The following PAWR variants were observed in gnomAD, a reference collection of about 807,000 sequenced individuals.
PAWR encodes PRKC apoptosis WT1 regulator protein.
Under a neutral mutation model 32.0 loss-of-function variants are expected in PAWR, and 23 were observed. The ratio of observed to expected loss-of-function variants is 0.72; its 90% CI spans 0.52 to 1.02. The LOEUF (loss-of-function observed/expected upper bound fraction) is 1.02, where lower values mean the gene tolerates loss of function less well. PAWR is among the 50% of genes least tolerant of loss of function. PAWR has a pLI of 0.00. For missense variants in PAWR, 457 were observed against 437.7 expected (o/e 1.04, Z -0.39); for synonymous variants, 226 against 187.1 (o/e 1.21, Z -1.70).
rs894031668 is a variant in PAWR, at chr12:79,586,780, G to C, written c.*5827C>G. ...TTTGATTCAGTCATAACAGATTTTTGAAAGTGACAGTAAAATTATGCATTT... is the reference window on the plus strand; with the variant it reads ...TTTGATTCAGTCATAACAGATTTTTCAAAGTGACAGTAAAATTATGCATTT... On this transcript the variant is annotated 3_prime_UTR_variant, in exon 7 of 7. Coordinates refer to ENST00000328827, the MANE Select transcript of PAWR (RefSeq NM_002583.4). The C allele has an allele frequency of 3.9e-5, 6 of 152,002 alleles. No individual in the cohort carries two copies. Among genetic ancestry groups the C allele is most frequent in the Non-Finnish European group, 7.4e-5 (5 of 67,974 alleles). The allele number at this position is 152,002 out of a possible 1,614,324, so 9.4% of individuals were successfully genotyped here. A position where few individuals can be genotyped will look rare whatever the true frequency, so the allele number is the denominator to read the frequency against.
In PAWR at chr12:79,585,132, C is replaced by T. The variant is rs1264581095; in HGVS notation, c.*7475G>A. 1 of 452,450 alleles carries T rather than the reference C, an allele frequency of 2.2e-6. No homozygotes were observed. Among genetic ancestry groups the T allele is most frequent in the South Asian group, 1.6e-5 (1 of 63,674 alleles). The allele number at this position is 452,450 out of a possible 1,614,324, so 28.0% of individuals were successfully genotyped here. On this transcript the variant is annotated 3_prime_UTR_variant, in exon 7 of 7. Coordinates refer to ENST00000328827, the MANE Select transcript of PAWR (RefSeq NM_002583.4). ...CCTGATACAATCTTTTGCAACATAACCAACAAAGATCAGGAGCTTAAAACA... is the reference window on the plus strand; with the variant it reads ...CCTGATACAATCTTTTGCAACATAATCAACAAAGATCAGGAGCTTAAAACA...
chr12:79,638,346 T>C (rs1197373321), intron 2 of PAWR, among the ~76,000 whole-genome samples: 1 of 152,158 alleles, frequency 6.6e-6, no homozygotes, highest in Non-Finnish European at 1.5e-5. Flanking sequence ...TCAATTTCAT[T>C]TCTTAGTACT....
At chr12:79,646,926 C>T (rs1273832064) in intron 2 of PAWR, among the ~76,000 whole-genome samples, 1 of 151,870 alleles carries the variant, frequency 6.6e-6, no homozygotes, top group African/African-American at 2.4e-5. Context: ...ACCTGTAATC[C>T]CAGCACTTTG....
chr12:79,607,075 T>C (rs887146563), intron 4 of PAWR, among the ~76,000 whole-genome samples: 4 of 152,218 alleles, frequency 2.6e-5, no homozygotes, highest in Admixed American at 6.5e-5. Flanking sequence ...GAAAGGTCAC[T>C]GCTATTGCAT....
chr12:79,629,142 T>C (rs1047916313), intron 2 of PAWR, among the ~76,000 whole-genome samples: 9 of 151,906 alleles, frequency 5.9e-5, no homozygotes, highest in African/African-American at 2.2e-4. Context: ...AGCAGGAAGA[T>C]TTAAACCAAA....
intron 2 of PAWR, among the ~76,000 whole-genome samples, chr12:79,648,445 C>G (rs1876680864): frequency 6.6e-6 from 1 of 151,780 alleles, no homozygotes; most frequent in African/African-American, 2.4e-5. Context: ...ATTGAGCAAC[C>G]CAAACAACAA....
At chr12:79,631,539 T>C (rs1207478714) in intron 2 of PAWR, among the ~76,000 whole-genome samples, 3 of 151,984 alleles carry the variant, frequency 2.0e-5, no homozygotes, top group Non-Finnish European at 2.9e-5. Context: ...AAATTCAAAC[T>C]GAAGAAAAAT....
intron 4 of PAWR, among the ~76,000 whole-genome samples, chr12:79,608,937 T>G (rs1014741345): frequency 2.6e-5 from 4 of 151,972 alleles, no homozygotes; most frequent in African/African-American, 4.8e-5. Context: ...CCCAGCTACT[T>G]GGGAGGCTGT....
chr12:79,647,825 T>A (rs745309896), intron 2 of PAWR, among the ~76,000 whole-genome samples: 6 of 152,152 alleles, frequency 3.9e-5, no homozygotes, highest in Admixed American at 6.5e-5. Context: ...AAATTCCCAA[T>A]ATAGTTTTCT....
At chr12:79,604,601 C>T in intron 4 of PAWR, 1 of 1,278,560 alleles carries the variant, frequency 7.8e-7, no homozygotes, top group Non-Finnish European at 1.0e-6. Flanking sequence ...TCCCAAATAA[C>T]CAACAACTAC....
intron 4 of PAWR, among the ~76,000 whole-genome samples, chr12:79,605,590 C>A (rs1226541239): frequency 6.6e-6 from 1 of 151,580 alleles, no homozygotes; most frequent in Non-Finnish European, 1.5e-5. Context: ...ATAGGGGTCA[C>A]ACAAAAACTT....
chr12:79,677,892 A>G (rs1878245871), intron 2 of PAWR, among the ~76,000 whole-genome samples: 1 of 152,210 alleles, frequency 6.6e-6, no homozygotes, highest in Non-Finnish European at 1.5e-5. Flanking sequence ...ACTCAGGGAT[A>G]ACGTTAAGCT....
chr12:79,639,458 T>C (rs1164740013), intron 2 of PAWR, among the ~76,000 whole-genome samples: 1 of 152,174 alleles, frequency 6.6e-6, no homozygotes, highest in African/African-American at 2.4e-5. Context: ...CAAAGCTCTG[T>C]GCCCAAATTC....
At chr12:79,690,546 T>G in intron 1 of PAWR, 155 bp from the exon 2 acceptor site, 1 of 322,542 alleles carries the variant, frequency 3.1e-6, no homozygotes, top group Non-Finnish European at 5.6e-6. Flanking sequence ...GCAAAGTTTC[T>G]CCCACGCACC....
chr12:79,689,713 C>A lies in PAWR; in HGVS notation c.516+16G>T, dbSNP rs368901434. On this transcript the variant is annotated intron_variant, in intron 2 of 6. Coordinates refer to ENST00000328827, the MANE Select transcript of PAWR (RefSeq NM_002583.4). ...CCGCCCCGGCCCGGTCCGGCTGCGG[C>A]CCCCGCCCGGCTCACCTCTGCGGCA... 2.0e-6 allele frequency: 3 copies of A among 1,537,162 alleles called. No homozygotes were observed. Among genetic ancestry groups the A allele is most frequent in the Non-Finnish European group, 1.7e-6 (2 of 1,145,824 alleles).
chr12:79,605,830 T>C (rs1311249640), intron 4 of PAWR, among the ~76,000 whole-genome samples: 2 of 152,152 alleles, frequency 1.3e-5, no homozygotes, highest in African/African-American at 4.8e-5. Flanking sequence ...TCCCAGCACT[T>C]TGGGAGGCCA....
At chr12:79,614,388 A>G (rs1042118570) in intron 3 of PAWR, among the ~76,000 whole-genome samples, 3 of 152,046 alleles carry the variant, frequency 2.0e-5, no homozygotes, top group African/African-American at 7.2e-5. Context: ...GTGTGCATAT[A>G]GTAATTAGTT....
At chr12:79,658,906 C>T (rs1271391534) in intron 2 of PAWR, among the ~76,000 whole-genome samples, 3 of 151,812 alleles carry the variant, frequency 2.0e-5, no homozygotes, top group Non-Finnish European at 2.9e-5. Flanking sequence ...AGTGATCCAC[C>T]CACCTCAGCC....
chr12:79,597,924 G>A (rs1422699389), intron 4 of PAWR: 1 of 152,088 alleles, frequency 6.6e-6, no homozygotes, highest in Non-Finnish European at 1.5e-5. Context: ...TGTTGGTTGG[G>A]GCTTCAGTCA....
Sources: gnomAD v4.1 joint callset for allele counts (sites outside exome capture counted in the v4.1 genomes callset) on GRCh38, gnomAD v4.1.1 for gene constraint, MANE v1.5 for transcripts, NCBI Gene and HGNC (gene_info 2026-07-23, HGNC 2026-07-21) for gene names.